GAPVD1: variants seen among roughly 807,000 people sequenced by gnomAD.
GAPVD1 encodes GTPase-activating protein and VPS9 domain-containing protein 1.
In GAPVD1, 35 loss-of-function variants were observed where a neutral mutation model predicts 155.5. The observed-to-expected ratio is 0.23, with a 90% CI of 0.17 to 0.30. The LOEUF (loss-of-function observed/expected upper bound fraction) is 0.30, where lower values mean the gene tolerates loss of function less well. GAPVD1 is among the 10% of genes least tolerant of loss of function. The pLI is 1.00. For missense variants in GAPVD1, 1,429 were observed against 1,775.7 expected (o/e 0.80, Z 3.51); for synonymous variants, 636 against 619.7 (o/e 1.03, Z -0.39).
chr9:125,304,821 T>C (rs1384975363), intron 5 of GAPVD1, among the ~76,000 whole-genome samples: 3 of 152,226 alleles, frequency 2.0e-5, no homozygotes, highest in African/African-American at 4.8e-5. Context: ...TGATATCTTA[T>C]GTGTTAAAGA....
chr9:125,284,403 C>T (rs1176797340), intron 2 of GAPVD1, among the ~76,000 whole-genome samples: 1 of 151,532 alleles, frequency 6.6e-6, no homozygotes, highest in Non-Finnish European at 1.5e-5. Flanking sequence ...TGGTCTCGAT[C>T]TCCTGACCTC....
intron 15 of GAPVD1, among the ~76,000 whole-genome samples, chr9:125,333,234 C>T (rs1192429571): frequency 6.6e-6 from 1 of 151,934 alleles, no homozygotes; most frequent in Non-Finnish European, 1.5e-5. Context: ...GCACCCACCA[C>T]CACGCCCAGC....
At chr9:125,349,325 C>A in intron 20 of GAPVD1, 65 bp from the exon 21 acceptor site, 2 of 1,391,516 alleles carry the variant, frequency 1.4e-6, no homozygotes, top group Non-Finnish European at 1.0e-6. Context: ...CTCTGAATAC[C>A]TACTAGTGCC....
At chr9:125,340,925 A>G (rs955256576) in intron 17 of GAPVD1, among the ~76,000 whole-genome samples, 2 of 152,212 alleles carry the variant, frequency 1.3e-5, no homozygotes, top group Non-Finnish European at 2.9e-5. Flanking sequence ...CAAAATAAAA[A>G]TAAAAAATTA....
intron 1 of GAPVD1, among the ~76,000 whole-genome samples, chr9:125,268,204 CCA>C (rs869057188): frequency 1.1e-3 from 168 of 146,580 alleles, no homozygotes; most frequent in African/African-American, 3.8e-3. Flanking sequence ...ACCCCCCCCC[CCA>C]AAAAAAAACC....
chr9:125,360,470 C>A, intron 26 of GAPVD1, 58 bp from the exon 27 acceptor site: 1 of 1,366,832 alleles, frequency 7.3e-7, no homozygotes, highest in Non-Finnish European at 1.0e-6. Context: ...TTGCAGTAGT[C>A]ACTGCGCAGG....
rs1848548380 is a variant in GAPVD1, at chr9:125,346,581, A to T, written c.3047-238A>T. ...GTCTGCCCTGAACTTTGACACTGTC[A>T]TTCTGGTGATGATGAGAAGGTGGAG... On this transcript the variant is annotated intron_variant, in intron 19 of 27. Transcript: ENST00000297933. 7.3e-6 allele frequency: 4 copies of T among 551,722 alleles called. No individual in the cohort carries two copies. In the Admixed American group the frequency reaches 8.8e-5, roughly 12 times the overall value. 34.2% of individuals were successfully genotyped at this position (551,722 alleles called of 1,614,324 possible).
At chr9:125,280,971 A>G (rs572626472) in intron 2 of GAPVD1, among the ~76,000 whole-genome samples, 2 of 152,276 alleles carry the variant, frequency 1.3e-5, no homozygotes, top group East Asian at 3.9e-4. Flanking sequence ...GCTGGAAAAT[A>G]TATTTCCTTT....
intron 6 of GAPVD1, among the ~76,000 whole-genome samples, chr9:125,306,830 A>AT (rs1177018845): frequency 6.6e-6 from 1 of 152,128 alleles, no homozygotes; most frequent in East Asian, 1.9e-4. Flanking sequence ...AAAGAGTTTA[A>AT]TTTTTTTAGG....
intron 19 of GAPVD1, among the ~76,000 whole-genome samples, chr9:125,342,583 A>G (rs756738964): frequency 9.8e-5 from 15 of 152,330 alleles, no homozygotes; most frequent in Admixed American, 1.3e-4. Context: ...CTCAACATCT[A>G]GTGGGATGAT....
intron 8 of GAPVD1, among the ~76,000 whole-genome samples, chr9:125,311,155 A>C (rs1842630591): frequency 6.6e-6 from 1 of 152,194 alleles, no homozygotes; most frequent in African/African-American, 2.4e-5. Flanking sequence ...TTTTAGAAAA[A>C]AATATTTTTC....
intron 19 of GAPVD1, among the ~76,000 whole-genome samples, chr9:125,344,505 T>C (rs1848253351): frequency 6.6e-6 from 1 of 152,236 alleles, no homozygotes; most frequent in East Asian, 1.9e-4. Context: ...AAATTGCATT[T>C]TTTGTTTAAT....
chr9:125,341,869 G>C (rs1847886837), intron 18 of GAPVD1: 1 of 168,182 alleles, frequency 5.9e-6, no homozygotes, highest in Non-Finnish European at 1.3e-5. Flanking sequence ...CAGGAACTCT[G>C]GGGAGAGCTG....
intron 3 of GAPVD1, among the ~76,000 whole-genome samples, chr9:125,297,898 A>C (rs968195245): frequency 2.6e-5 from 4 of 152,136 alleles, no homozygotes; most frequent in Admixed American, 2.6e-4. Flanking sequence ...GGTGTACACC[A>C]CCACACCCAA....
At position 125,362,866 on chromosome 9, in the gene GAPVD1, AT is replaced by A; in HGVS notation, c.*124del. 2.6e-6 allele frequency: 2 copies of A among 768,198 alleles called. No individual in the cohort carries two copies. The highest frequency in any genetic ancestry group is 2.0e-6 in the Non-Finnish European group (1 of 501,494). The allele number at this position is 768,198 out of a possible 1,614,324, so 47.6% of individuals were successfully genotyped here. A position where few individuals can be genotyped will look rare whatever the true frequency, so the allele number is the denominator to read the frequency against. ...TGTATGATACTGCACAGCATCAGGC[AT>A]TTTAAAGCAGATCTTTACTAAACAG... On this transcript the variant is annotated 3_prime_UTR_variant, in exon 28 of 28. Transcript: ENST00000297933.
In GAPVD1 at chr9:125,294,610, T is replaced by C. The variant is rs1431182547; in HGVS notation, c.-149-848T>C. Among the ~76,000 whole-genome samples the C allele has an allele frequency of 2.0e-5, 3 of 151,442 alleles. No individual in the cohort carries two copies. The East Asian group carries it at 5.8e-4, about 29-fold the overall frequency. ...ATCCACCTGCCTCAGCCTCCCAAAA[T>C]GCTGGGATTACAGGCGTGAGCCACC... On this transcript the variant is annotated intron_variant, in intron 2 of 27. Coordinates refer to ENST00000297933, the MANE Select transcript of GAPVD1 (RefSeq NM_001282680.3).
intron 2 of GAPVD1, among the ~76,000 whole-genome samples, chr9:125,284,116 TC>T (rs958085435): frequency 1.3e-5 from 2 of 150,550 alleles, no homozygotes; most frequent in Non-Finnish European, 2.9e-5. Flanking sequence ...CCTCAAGTGA[TC>T]CACCCGCCTT....
At chr9:125,308,074 A>G in intron 8 of GAPVD1, 194 bp downstream of exon 8, 1 of 599,238 alleles carries the variant, frequency 1.7e-6, no homozygotes, top group East Asian at 2.7e-5. Context: ...AGCTTTGCCT[A>G]CATACTTTTC....
chr9:125,352,235 T>C (rs771988593), intron 23 of GAPVD1, among the ~76,000 whole-genome samples: 5 of 152,204 alleles, frequency 3.3e-5, no homozygotes, highest in Non-Finnish European at 7.3e-5. Context: ...AGTGCCCCAG[T>C]AGGGACTCTT....
Sources: allele counts gnomAD v4.1 joint callset (sites outside exome capture counted in the v4.1 genomes callset), GRCh38; gene constraint gnomAD v4.1.1; transcripts MANE v1.5; gene names NCBI Gene and HGNC (gene_info 2026-07-23, HGNC 2026-07-21).